UBE2H: variants seen among roughly 807,000 people sequenced by gnomAD.
UBE2H encodes the protein ubiquitin conjugating enzyme E2 H, also known as ubiquitin-conjugating enzyme E2 H.
A neutral mutation model predicts 29.0 loss-of-function variants in UBE2H; 3 were observed. That is an observed-to-expected ratio of 0.10 (90% CI 0.05 to 0.27). The LOEUF (loss-of-function observed/expected upper bound fraction) is 0.27. UBE2H is among the 10% of genes least tolerant of loss of function. UBE2H has a pLI of 1.00. For synonymous variants in UBE2H, 69 were observed against 82.9 expected (o/e 0.83, Z 0.91); for missense variants, 68 against 228.2 (o/e 0.30, Z 4.52).
intron 5 of UBE2H, among the ~76,000 whole-genome samples, chr7:129,853,692 G>C (rs1237217867): frequency 1.3e-5 from 2 of 152,174 alleles, no homozygotes; most frequent in Non-Finnish European, 2.9e-5. Flanking sequence ...AGAGAAAACA[G>C]GATAAGAACA....
intron 3 of UBE2H, among the ~76,000 whole-genome samples, chr7:129,864,239 T>A (rs556673707): frequency 1.3e-4 from 20 of 152,180 alleles, no homozygotes; most frequent in Admixed American, 1.3e-3. Context: ...ATGGAACTCC[T>A]GGACAAGGAG....
chr7:129,929,554 G>A (rs931908888), intron 1 of UBE2H, among the ~76,000 whole-genome samples: 2 of 151,816 alleles, frequency 1.3e-5, no homozygotes, highest in Non-Finnish European at 2.9e-5. Flanking sequence ...GTTAAGATGT[G>A]GGAAAAAAAG....
intron 1 of UBE2H, among the ~76,000 whole-genome samples, chr7:129,914,356 G>A (rs1422713234): frequency 6.6e-6 from 1 of 151,934 alleles, no homozygotes; most frequent in African/African-American, 2.4e-5. Flanking sequence ...TAGTAGAGAT[G>A]GGGTTTTGCC....
At chr7:129,874,370 C>T (rs1004081949) in intron 3 of UBE2H, among the ~76,000 whole-genome samples, 7 of 150,358 alleles carry the variant, frequency 4.7e-5, no homozygotes, top group Non-Finnish European at 5.9e-5. Context: ...AGTGCAGTGG[C>T]ACGATCTTGG....
At chr7:129,874,500 G>A (rs1039314093) in intron 3 of UBE2H, among the ~76,000 whole-genome samples, 18 of 152,078 alleles carry the variant, frequency 1.2e-4, no homozygotes, top group African/African-American at 2.9e-4. Flanking sequence ...TAGTAGAGAC[G>A]GGGTTTCACT....
At chr7:129,876,475 T>C (rs1806146465) in intron 3 of UBE2H, among the ~76,000 whole-genome samples, 1 of 152,214 alleles carries the variant, frequency 6.6e-6, no homozygotes, top group Non-Finnish European at 1.5e-5. Flanking sequence ...CTCAAAGCAG[T>C]CTCTCTGGAA....
At chr7:129,922,514 T>G (rs1333961008) in intron 1 of UBE2H, among the ~76,000 whole-genome samples, 1 of 152,166 alleles carries the variant, frequency 6.6e-6, no homozygotes. Flanking sequence ...TGACCTCAAG[T>G]GATCCACCCG....
At chr7:129,868,900 G>A (rs1805970050) in intron 3 of UBE2H, among the ~76,000 whole-genome samples, 1 of 149,126 alleles carries the variant, frequency 6.7e-6, no homozygotes, top group Non-Finnish European at 1.5e-5. Flanking sequence ...TGACAATATA[G>A]ACCATACTCC....
At chr7:129,847,523 T>A (rs1805534444) in intron 5 of UBE2H, among the ~76,000 whole-genome samples, 1 of 151,918 alleles carries the variant, frequency 6.6e-6, no homozygotes, top group South Asian at 2.1e-4. Context: ...CTCTTTTTTT[T>A]TTTCCAGAGA....
chr7:129,901,213 T>C (rs534762172), intron 1 of UBE2H, among the ~76,000 whole-genome samples: 1 of 152,356 alleles, frequency 6.6e-6, no homozygotes, highest in Admixed American at 6.5e-5. Context: ...ATTTAAATGT[T>C]TTCCCTAGCA....
rs34279042 is a variant in UBE2H, at chr7:129,848,836, C to CTTTTTTTTTTTTT, written c.298+8662_298+8674dup. Among the ~76,000 whole-genome samples, 5 of 128,732 alleles carry CTTTTTTTTTTTTT rather than the reference C, an allele frequency of 3.9e-5. 1 individual carries two copies. Among genetic ancestry groups the CTTTTTTTTTTTTT allele is most frequent in the Non-Finnish European group, 6.4e-5 (4 of 62,096 alleles). 84.5% of individuals were successfully genotyped at this position (128,732 alleles called of 152,430 possible). A position where few individuals can be genotyped will look rare whatever the true frequency, so the allele number is the denominator to read the frequency against. ...TACTATATGCACAAAAACCAGGTAG[C>CTTTTTTTTTTTTT]TTTTTTTTTTTTTTTTGGTAAGGCC... On this transcript the variant is annotated intron_variant, in intron 5 of 6. Coordinates refer to ENST00000355621, the MANE Select transcript of UBE2H (RefSeq NM_003344.4).
At chr7:129,860,100 G>T (rs937441642) in intron 3 of UBE2H, among the ~76,000 whole-genome samples, 1 of 152,220 alleles carries the variant, frequency 6.6e-6, no homozygotes, top group Non-Finnish European at 1.5e-5. Context: ...GCAGAGAAAT[G>T]GCACTGGAGG....
chr7:129,931,445 C>T lies in UBE2H; in HGVS notation c.53+21058G>A, dbSNP rs989599828. Among the ~76,000 whole-genome samples, 28 of 151,640 alleles carry T rather than the reference C, an allele frequency of 1.8e-4. 1 individual carries two copies. The highest frequency in any genetic ancestry group is 6.3e-4 in the African/African-American group (26 of 41,310). ...AGAGCTTTTCTATGTGTGTTATTTA[C>T]CATTTTAGAAACACAAAATATTAAT... On this transcript the variant is annotated intron_variant, in intron 1 of 6. Coordinates refer to ENST00000355621, the MANE Select transcript of UBE2H (RefSeq NM_003344.4).
intron 1 of UBE2H, among the ~76,000 whole-genome samples, chr7:129,931,220 T>C (rs1046929627): frequency 8.2e-5 from 12 of 145,838 alleles, no homozygotes; most frequent in African/African-American, 2.8e-4. Flanking sequence ...AAACCCTGTC[T>C]CAAAAAGAAA....
intron 1 of UBE2H, among the ~76,000 whole-genome samples, chr7:129,884,368 G>C (rs1227923796): frequency 7.2e-6 from 1 of 138,424 alleles, no homozygotes; most frequent in East Asian, 2.3e-4. Context: ...AGTGAGCCAA[G>C]AATGTGCCAC....
chr7:129,878,852 G>A lies in UBE2H; in HGVS notation c.205+716C>T, dbSNP rs553569788. ...TTATAATATTTTAGACATGTATAAA[G>A]TGAAGCAAAAAAAAAAAAAGCTGGC... On this transcript the variant is annotated intron_variant, in intron 3 of 6. Coordinates refer to ENST00000355621, the MANE Select transcript of UBE2H (RefSeq NM_003344.4). Among the ~76,000 whole-genome samples the A allele has an allele frequency of 5.1e-3, 234 of 45,912 alleles. 1 individual carries two copies. Among genetic ancestry groups the A allele is most frequent in the African/African-American group, 0.014 (218 of 15,636 alleles). 30.1% of individuals were successfully genotyped at this position (45,912 alleles called of 152,430 possible).
intron 3 of UBE2H, among the ~76,000 whole-genome samples, chr7:129,873,432 T>TTC (rs889756191): frequency 6.6e-5 from 10 of 150,664 alleles, no homozygotes; most frequent in Non-Finnish European, 1.2e-4. Context: ...ATTCTTTTTT[T>TTC]TTTTTTTTTT....
chr7:129,889,089 T>C (rs2116392881), intron 1 of UBE2H, among the ~76,000 whole-genome samples: 1 of 152,288 alleles, frequency 6.6e-6, no homozygotes, highest in Non-Finnish European at 1.5e-5. Flanking sequence ...GAGTGGACCC[T>C]AGGGAATACT....
chr7:129,863,808 G>GTTTTTTTTTTT (rs34701981), intron 3 of UBE2H, among the ~76,000 whole-genome samples: 249 of 135,952 alleles, frequency 1.8e-3, no homozygotes, highest in Admixed American at 2.9e-3. Flanking sequence ...AATACTAGGT[G>GTTTTTTTTTTT]TTTTTTTTTT....
Sources: allele counts gnomAD v4.1 joint callset (sites outside exome capture counted in the v4.1 genomes callset), GRCh38; gene constraint gnomAD v4.1.1; transcripts MANE v1.5; gene names NCBI Gene and HGNC (gene_info 2026-07-23, HGNC 2026-07-21).